Variants in GPM6B observed in about 807,000 individuals in gnomAD.
GPM6B encodes neuronal membrane glycoprotein M6-b.
Under a neutral mutation model 27.2 loss-of-function variants are expected in GPM6B, and 4 were observed. The observed-to-expected ratio is 0.15, with a 90% CI of 0.07 to 0.34. GPM6B has a LOEUF of 0.34. GPM6B is among the 10% of genes least tolerant of loss of function. The pLI is 1.00. For missense variants in GPM6B, 183 were observed against 261.9 expected, an observed-to-expected ratio of 0.70 and a Z score of 2.08; for synonymous variants, 124 against 103.1, an observed-to-expected ratio of 1.20 and a Z score of -1.23.
At chrX:13,874,181 C>T (rs1393843793) in intron 1 of GPM6B, among the ~76,000 whole-genome samples, 1 of 112,031 alleles carries the variant, frequency 8.9e-6, no homozygotes, top group African/African-American at 3.2e-5. Flanking sequence ...ATTAAGGCTC[C>T]TTTCTTGAAA....
chrX:13,833,793 T>C (rs1020767633), intron 1 of GPM6B, among the ~76,000 whole-genome samples: 1 of 112,303 alleles, frequency 8.9e-6, no homozygotes, highest in Non-Finnish European at 1.9e-5. Flanking sequence ...CAGTTAGTCA[T>C]ACACTCAAGT....
intron 1 of GPM6B, among the ~76,000 whole-genome samples, chrX:13,919,089 C>T (rs1187110391): frequency 8.9e-6 from 1 of 111,890 alleles, no homozygotes; most frequent in Non-Finnish European, 1.9e-5. Context: ...TATACCAGCA[C>T]AACAGACATC....
At chrX:13,889,846 G>C (rs1286871438) in intron 1 of GPM6B, among the ~76,000 whole-genome samples, 1 of 108,469 alleles carries the variant, frequency 9.2e-6, no homozygotes, top group African/African-American at 3.4e-5. Context: ...TTTTTTAACT[G>C]AAAAGGACTT....
intron 1 of GPM6B, among the ~76,000 whole-genome samples, chrX:13,846,988 C>G (rs1339345924): frequency 9.1e-6 from 1 of 109,868 alleles, no homozygotes; most frequent in South Asian, 3.9e-4. Flanking sequence ...TACTAATGGA[C>G]TAAGACAAGC....
intron 2 of GPM6B, among the ~76,000 whole-genome samples, chrX:13,804,350 C>G (rs2048977164): frequency 9.6e-6 from 1 of 104,058 alleles, no homozygotes; most frequent in African/African-American, 3.6e-5. Context: ...CTACTCCCTG[C>G]TTCATCGCTT....
Position 13,875,594 on chromosome X carries a change from C to T in GPM6B, c.-198+62733G>A, listed in dbSNP as rs184742554. On this transcript the variant is annotated intron_variant, in intron 1 of 6. Transcript: ENST00000398361. ...CACATGGTCACAGGAGCACTCTTCA[C>T]AATAGCCACAAGGTAAAAACAGCCC... Among the ~76,000 whole-genome samples, 13 of 112,059 alleles carry T rather than the reference C, an allele frequency of 1.2e-4. No individual in the cohort carries two copies. The East Asian group carries it at 3.6e-3, about 31-fold the overall frequency.
chrX:13,917,510 A>G (rs1006058470), intron 1 of GPM6B, among the ~76,000 whole-genome samples: 1 of 112,415 alleles, frequency 8.9e-6, no homozygotes, highest in Admixed American at 9.4e-5. Context: ...CATTTTAAGT[A>G]CAAAGTTACC....
chrX:13,906,064 C>T (rs978130159), intron 1 of GPM6B, among the ~76,000 whole-genome samples: 4 of 112,419 alleles, frequency 3.6e-5, no homozygotes, highest in Non-Finnish European at 7.5e-5. Flanking sequence ...AAGAACATCT[C>T]GAAACCTTCA....
intron 1 of GPM6B, among the ~76,000 whole-genome samples, chrX:13,885,255 C>A (rs2050123675): frequency 8.9e-6 from 1 of 112,105 alleles, no homozygotes; most frequent in Non-Finnish European, 1.9e-5. Context: ...TTCATTGTGA[C>A]TTTATTTCAT....
chrX:13,902,978 C>A (rs1357412426), intron 1 of GPM6B, among the ~76,000 whole-genome samples: 1 of 112,419 alleles, frequency 8.9e-6, no homozygotes, highest in Non-Finnish European at 1.9e-5. Flanking sequence ...CTAGAACTAT[C>A]TAGGAATCTC....
intron 1 of GPM6B, among the ~76,000 whole-genome samples, chrX:13,887,570 A>T (rs1281725397): frequency 8.9e-6 from 1 of 111,874 alleles, no homozygotes; most frequent in African/African-American, 3.3e-5. Context: ...CTGAGCCTGG[A>T]TTCCTGACCA....
chrX:13,910,897 T>G (rs1207773000), intron 1 of GPM6B, among the ~76,000 whole-genome samples: 1 of 112,446 alleles, frequency 8.9e-6, no homozygotes, highest in Non-Finnish European at 1.9e-5. Flanking sequence ...AACGGCAAAC[T>G]GAAAACAGCA....
chrX:13,773,012 G>A lies in GPM6B; in HGVS notation c.856C>T (p.Leu286=), dbSNP rs778396652. 73 of 1,208,412 alleles carry A rather than the reference G, an allele frequency of 6.0e-5. No homozygotes were observed. Among genetic ancestry groups the A allele is most frequent in the Non-Finnish European group, 7.8e-5 (70 of 893,918 alleles). ...VIALIHFLMI[L]SSNWAYLKDA... is the part of the protein sequence containing the mutation. The stretch of plus-strand genomic sequence containing the variant: ...TTTAAGTAAGCCCAGTTAGAAGACA[G>A]TATCATGAGGAAGTGGATCTGGAAG... The change falls in exon 8 of 8, where the codon CTG becomes TTG. Residue 286 remains leucine, a synonymous_variant. Transcript: ENST00000316715.
At chrX:13,871,991 G>A (rs1003275805) in intron 1 of GPM6B, among the ~76,000 whole-genome samples, 1 of 110,844 alleles carries the variant, frequency 9.0e-6, no homozygotes, top group Admixed American at 9.6e-5. Context: ...TTTATGAAGA[G>A]CCAACAGCTT....
At chrX:13,874,365 A>G (rs2050010467) in intron 1 of GPM6B, among the ~76,000 whole-genome samples, 1 of 110,991 alleles carries the variant, frequency 9.0e-6, no homozygotes. Flanking sequence ...ACATTCTGGA[A>G]GGTGCTAGGG....
intron 2 of GPM6B, among the ~76,000 whole-genome samples, chrX:13,790,097 TC>T (rs2048686317): frequency 8.9e-6 from 1 of 111,880 alleles, no homozygotes; most frequent in African/African-American, 3.3e-5. Context: ...CAAGTGATCC[TC>T]CCGCCTCGGC....
At chrX:13,852,683 C>T (rs1193161680) in intron 1 of GPM6B, among the ~76,000 whole-genome samples, 1 of 111,219 alleles carries the variant, frequency 9.0e-6, no homozygotes, top group African/African-American at 3.3e-5. Context: ...TGAATGTACC[C>T]TCAGAGACTC....
At chrX:13,850,188 C>G (rs1300926194) in intron 1 of GPM6B, among the ~76,000 whole-genome samples, 2 of 112,083 alleles carry the variant, frequency 1.8e-5, no homozygotes, top group Non-Finnish European at 3.8e-5. Context: ...GAGGTGAATC[C>G]CTCATGAATA....
chrX:13,829,528 G>T (rs772963640), intron 1 of GPM6B, among the ~76,000 whole-genome samples: 1 of 111,436 alleles, frequency 9.0e-6, no homozygotes, highest in Non-Finnish European at 1.9e-5. Flanking sequence ...CGTCCTTCTA[G>T]ATCTTTCCCT....
Sources: allele counts gnomAD v4.1 joint callset (sites outside exome capture counted in the v4.1 genomes callset), GRCh38; gene constraint gnomAD v4.1.1; transcripts MANE v1.5; gene names NCBI Gene and HGNC (gene_info 2026-07-23, HGNC 2026-07-21).